Variants in MAP3K9 observed in about 807,000 individuals in gnomAD.
MAP3K9 encodes the protein mixed lineage kinase 1 (tyr and ser/thr specificity).
Under a neutral mutation model 95.8 loss-of-function variants are expected in MAP3K9, and 46 were observed. The ratio of observed to expected loss-of-function variants is 0.48; its 90% CI spans 0.38 to 0.61. The LOEUF (loss-of-function observed/expected upper bound fraction) is 0.61, where lower values mean the gene tolerates loss of function less well. MAP3K9 is among the 20% of genes least tolerant of loss of function. MAP3K9 has a pLI of 0.00. For missense variants in MAP3K9, 1,296 were observed against 1,474.3 expected (o/e 0.88, Z 1.98); for synonymous variants, 533 against 593.8 (o/e 0.90, Z 1.49).
chr14:70,738,488 A>G, intron 7 of MAP3K9, 90 bp from the exon 8 acceptor site: 2 of 1,153,642 alleles, frequency 1.7e-6, no homozygotes, highest in South Asian at 3.0e-5. Flanking sequence ...ACACACACAC[A>G]TTTGGAGCTG....
intron 10 of MAP3K9, chr14:70,733,737 GC>G: frequency 1.4e-6 from 1 of 718,506 alleles, no homozygotes; most frequent in Non-Finnish European, 2.6e-6. Flanking sequence ...GAGTCAGGGG[GC>G]AGGGAGAGGA....
rs574701234 is a variant in MAP3K9 at position 70,799,608 on chromosome 14, G to A, written c.820+1059C>T. 1.4e-4 allele frequency among the ~76,000 whole-genome samples: 22 copies of A among 152,276 alleles called. No individual in the cohort carries two copies. In the East Asian group the frequency reaches 4.3e-3, roughly 29 times the overall value. ...CCCGCCTTGGCCTCCCAAAGTGCTGGGATTACAGGCGTGAGCCACCGCGCC... is the reference window on the plus strand; with the variant it reads ...CCCGCCTTGGCCTCCCAAAGTGCTGAGATTACAGGCGTGAGCCACCGCGCC... On this transcript the variant is annotated intron_variant, in intron 2 of 11. Coordinates refer to ENST00000554752, the MANE Select transcript of MAP3K9 (RefSeq NM_001284230.2).
chr14:70,771,909 A>C (rs1266646250), intron 2 of MAP3K9, among the ~76,000 whole-genome samples: 1 of 152,222 alleles, frequency 6.6e-6, no homozygotes, highest in Non-Finnish European at 1.5e-5. Flanking sequence ...TGTTGTGCTG[A>C]CGCAGCAAGA....
intron 2 of MAP3K9, among the ~76,000 whole-genome samples, chr14:70,776,778 C>G (rs1384989313): frequency 6.6e-6 from 1 of 151,896 alleles, no homozygotes; most frequent in African/African-American, 2.4e-5. Flanking sequence ...CCCATCAGCC[C>G]TTAAGACACT....
chr14:70,801,459 C>A (rs1207389539), intron 1 of MAP3K9, among the ~76,000 whole-genome samples: 1 of 152,008 alleles, frequency 6.6e-6, no homozygotes. Context: ...GCCATGTTGC[C>A]CAGGCTGGTC....
intron 6 of MAP3K9, among the ~76,000 whole-genome samples, 158 bp downstream of exon 6, chr14:70,742,193 C>T (rs573666454): frequency 5.3e-5 from 8 of 152,056 alleles, no homozygotes; most frequent in Non-Finnish European, 1.0e-4. Context: ...TTTCAACATG[C>T]CAGTCTTTCC....
chr14:70,793,536 AAAATAAAT>A (rs200506297), intron 2 of MAP3K9, among the ~76,000 whole-genome samples: 1 of 152,128 alleles, frequency 6.6e-6, no homozygotes. Flanking sequence ...AATAAAAAAT[AAAATAAAT>A]AAATAAATAA....
intron 1 of MAP3K9, among the ~76,000 whole-genome samples, chr14:70,807,141 G>A (rs936431640): frequency 1.3e-5 from 2 of 152,180 alleles, no homozygotes; most frequent in Non-Finnish European, 2.9e-5. Flanking sequence ...AAAAAGAAGA[G>A]CAGAAAAACA....
intron 3 of MAP3K9, among the ~76,000 whole-genome samples, chr14:70,754,411 T>C (rs1454415872): frequency 6.6e-6 from 1 of 152,170 alleles, no homozygotes; most frequent in African/African-American, 2.4e-5. Flanking sequence ...CAGGGTGATT[T>C]TCTTTCCCTA....
chr14:70,779,795 T>C (rs2054649674), intron 2 of MAP3K9, among the ~76,000 whole-genome samples: 1 of 152,222 alleles, frequency 6.6e-6, no homozygotes, highest in Admixed American at 6.5e-5. Flanking sequence ...AGCCACTCCT[T>C]GCCAACGCGG....
At chr14:70,768,978 AT>A (rs1241555426) in intron 2 of MAP3K9, among the ~76,000 whole-genome samples, 1 of 152,190 alleles carries the variant, frequency 6.6e-6, no homozygotes, top group African/African-American at 2.4e-5. Flanking sequence ...GTTTTGTTTT[AT>A]TTTTTAAAGT....
intron 2 of MAP3K9, among the ~76,000 whole-genome samples, chr14:70,774,302 GT>G (rs1399105165): frequency 3.3e-5 from 5 of 152,202 alleles, no homozygotes; most frequent in African/African-American, 1.2e-4. Flanking sequence ...GGAGACCTTT[GT>G]TATTTATTAC....
At chr14:70,799,371 G>A (rs896344373) in intron 2 of MAP3K9, among the ~76,000 whole-genome samples, 4 of 151,968 alleles carry the variant, frequency 2.6e-5, no homozygotes, top group Non-Finnish European at 2.9e-5. Flanking sequence ...ATGGAGTCTC[G>A]CTCTGTCACC....
rs756837051 is a variant in MAP3K9, at chr14:70,738,359, G to A, written c.1730C>T (p.Ser577Leu). Residue 577 changes from serine to leucine, a missense_variant, in exon 8 of 12, where the codon TCA becomes TTA. Ser to Leu is a moderately radical substitution (Grantham distance 145). This residue lies in a region of MAP3K9 where 377 missense variants were observed against 417.1 expected (regional missense o/e 0.90). Transcript: ENST00000554752. Reference protein sequence around the residue: ...GESSKTWGRSSVVPKEEGEEE... With the variant: ...GESSKTWGRSLVVPKEEGEEE... ...CTCCCCTTCCTCCTTTGGGACGACT[G>A]AGCTCCTGCCCCAGGTTTTGCTGCT... is the stretch of plus-strand genomic sequence containing the variant. 7 of 1,613,960 alleles carry A rather than the reference G, an allele frequency of 4.3e-6. No individual in the cohort carries two copies. Among genetic ancestry groups the A allele is most frequent in the East Asian group, 4.5e-5 (2 of 44,860 alleles).
At position 70,742,536 on chromosome 14, in the gene MAP3K9, T is replaced by C; in HGVS notation, c.1382A>G (p.Gln461Arg). The change falls in exon 6 of 12, where the codon CAG (glutamine) becomes CGG (arginine). Residue 461 changes from glutamine to arginine, a missense_variant. By Grantham distance (43) the Gln-to-Arg change is conservative. Around this residue, in one of 5 missense-constraint regions of MAP3K9, gnomAD observed 377 missense variants for 417.1 expected, o/e 0.90. Transcript: ENST00000554752. ...LTRAALQQKN[Q>R]EELLRRREQE... ...CTCCCGACGCCGCAGCAGTTCCTCC[T>C]GGTTCTTCTGCTGCAGTGCAGCCCG... 6.2e-7 allele frequency: 1 copy of C among 1,614,190 alleles called. No homozygotes were observed.
intron 2 of MAP3K9, among the ~76,000 whole-genome samples, chr14:70,764,591 G>T (rs1468643058): frequency 6.6e-6 from 1 of 152,074 alleles, no homozygotes; most frequent in East Asian, 1.9e-4. Flanking sequence ...AGCACTTTGG[G>T]AGGTCAAGGT....
chr14:70,750,114 T>A, intron 3 of MAP3K9, 33 bp from the exon 4 acceptor site: 1 of 1,609,066 alleles, frequency 6.2e-7, no homozygotes, highest in Non-Finnish European at 8.5e-7. Context: ...AGCCATGTAA[T>A]AAACTTCAGG....
chr14:70,767,195 C>A (rs1009025025), intron 2 of MAP3K9, among the ~76,000 whole-genome samples: 4 of 151,958 alleles, frequency 2.6e-5, no homozygotes, highest in Admixed American at 2.0e-4. Flanking sequence ...ACGAGACTGG[C>A]CAACATAGCA....
intron 2 of MAP3K9, among the ~76,000 whole-genome samples, chr14:70,768,366 T>C (rs1189330712): frequency 6.6e-6 from 1 of 152,042 alleles, no homozygotes; most frequent in East Asian, 1.9e-4. Context: ...CCAAAAATTC[T>C]CCTAACATTG....
Sources: gnomAD v4.1 joint callset for allele counts (sites outside exome capture counted in the v4.1 genomes callset) on GRCh38, gnomAD v4.1.1 for gene constraint, gnomAD v4.1.1 regional missense constraint, MANE v1.5 for transcripts, NCBI Gene and HGNC (gene_info 2026-07-23, HGNC 2026-07-21) for gene names.